TENM4: variants seen among roughly 807,000 people sequenced by gnomAD.
TENM4 encodes teneurin-4.
TENM4 carries 82 observed loss-of-function variants against 243.3 expected under a neutral mutation model. The ratio of observed to expected loss-of-function variants is 0.34; its 90% CI spans 0.28 to 0.40. The LOEUF is 0.40. TENM4 is among the 10% of genes least tolerant of loss of function. The pLI is 1.00. For synonymous variants in TENM4, 1,412 were observed against 1,456.3 expected, an observed-to-expected ratio of 0.97 and a Z score of 0.69; for missense variants, 3,138 against 3,673.3, an observed-to-expected ratio of 0.85 and a Z score of 3.77.
intron 4 of TENM4, among the ~76,000 whole-genome samples, chr11:79,138,570 A>ATACAT (rs1555015653): frequency 1.2e-4 from 3 of 26,078 alleles, no homozygotes; most frequent in African/African-American, 1.8e-4. Context: ...TACATAAAAC[A>ATACAT]TATATTTATA....
intron 12 of TENM4, among the ~76,000 whole-genome samples, chr11:78,830,102 C>T (rs866406643): frequency 3.5e-4 from 53 of 152,354 alleles, no homozygotes; most frequent in Middle Eastern, 3.4e-3. Context: ...TTCCTTTTGG[C>T]TCATACCTCC....
chr11:79,191,695 C>T (rs547597405), intron 3 of TENM4: 21 of 189,610 alleles, frequency 1.1e-4, no homozygotes, highest in Admixed American at 3.0e-4. Flanking sequence ...CGTCTCTGCC[C>T]GGCAGCCCAT....
At chr11:79,085,814 A>G (rs1860798759) in intron 4 of TENM4, among the ~76,000 whole-genome samples, 1 of 152,226 alleles carries the variant, frequency 6.6e-6, no homozygotes, top group African/African-American at 2.4e-5. Flanking sequence ...GCATATACCC[A>G]TAACCCCACA....
chr11:78,926,440 A>C (rs1250844685), intron 6 of TENM4, among the ~76,000 whole-genome samples: 1 of 151,804 alleles, frequency 6.6e-6, no homozygotes, highest in Non-Finnish European at 1.5e-5. Context: ...CGCCTGGCTA[A>C]TTTTTGTATT....
intron 3 of TENM4, among the ~76,000 whole-genome samples, chr11:79,178,428 G>A (rs1248375077): frequency 2.0e-5 from 3 of 151,460 alleles, no homozygotes; most frequent in Non-Finnish European, 4.4e-5. Context: ...GAGCCCTGGG[G>A]CACCCCTGCA....
At chr11:78,753,604 A>G (rs1012038989) in intron 19 of TENM4, among the ~76,000 whole-genome samples, 1 of 152,234 alleles carries the variant, frequency 6.6e-6, no homozygotes, top group Non-Finnish European at 1.5e-5. Context: ...TTACACAGGA[A>G]TCTGTTTGGG....
At chr11:78,790,307 C>T (rs191041273) in intron 15 of TENM4, among the ~76,000 whole-genome samples, 2 of 152,386 alleles carry the variant, frequency 1.3e-5, no homozygotes, top group East Asian at 1.9e-4. Context: ...TTACCACTTA[C>T]TGGCTGGGTA....
chr11:79,049,325 A>C (rs1859739897), intron 6 of TENM4, among the ~76,000 whole-genome samples: 1 of 152,170 alleles, frequency 6.6e-6, no homozygotes, highest in African/African-American at 2.4e-5. Context: ...CATTATCAGC[A>C]CTAGCAGTGC....
rs142218577 is a variant in TENM4, at chr11:78,764,719, G to A, written c.2539+6273C>T. Among the ~76,000 whole-genome samples the A allele has an allele frequency of 2.8e-4, 43 of 152,282 alleles. No homozygotes were observed. The East Asian group carries it at 7.9e-3, about 28-fold the overall frequency. On this transcript the variant is annotated intron_variant, in intron 18 of 33. Transcript: ENST00000278550. ...TATGTGGCTGGCAGGACCTGTGTTA[G>A]GCACTGGATGCTCAGGAATAAAAGA...
rs778307114 is a variant in TENM4, at chr11:78,672,312, G to A, written c.5514C>T (p.Leu1838=). 60 of 1,608,706 alleles carry A rather than the reference G, an allele frequency of 3.7e-5. No individual in the cohort carries two copies. The South Asian group carries it at 6.6e-4, about 18-fold the overall frequency. Residue 1838 remains leucine, a synonymous_variant, in exon 31 of 34, where the codon CTC becomes CTT. Transcript: ENST00000278550. The part of the protein sequence containing the change: ...GRRLRVHNRN[L]LSLDFDRVTR... ...TTACGCGATCAAAGTCCAGAGATAG[G>A]AGATTTCGGTTGTGAACCTGGAGAA... is the stretch of plus-strand genomic sequence containing the variant.
chr11:78,785,198 C>T lies in TENM4; in HGVS notation c.2365+1700G>A, dbSNP rs150795843. ...TTAAAGAAGAGGCCCCCTCAGATGA[C>T]CAGGGCCACTTCTCACTAAGGGGTT... On this transcript the variant is annotated intron_variant, in intron 16 of 33. Coordinates refer to ENST00000278550, the MANE Select transcript of TENM4 (RefSeq NM_001098816.3). Among the ~76,000 whole-genome samples the T allele has an allele frequency of 4.6e-5, 7 of 152,138 alleles. No individual in the cohort carries two copies. The East Asian group carries it at 1.4e-3, about 29-fold the overall frequency.
chr11:78,972,356 G>A (rs764091664), intron 6 of TENM4, among the ~76,000 whole-genome samples: 26 of 152,082 alleles, frequency 1.7e-4, no homozygotes, highest in Non-Finnish European at 4.4e-5. Context: ...CAGGCCATTT[G>A]TCTCTGTGAG....
At chr11:79,437,624 A>C (rs1207945017) in intron 1 of TENM4, among the ~76,000 whole-genome samples, 1 of 151,788 alleles carries the variant, frequency 6.6e-6, no homozygotes, top group African/African-American at 2.4e-5. Context: ...GTCGCGGCCG[A>C]CTCCTGTACC....
intron 2 of TENM4, among the ~76,000 whole-genome samples, chr11:79,258,066 TC>T (rs1226225246): frequency 6.6e-6 from 1 of 152,172 alleles, no homozygotes; most frequent in Admixed American, 6.5e-5. Context: ...CTTGGTGTTA[TC>T]CCCCTTACAT....
At chr11:78,802,006 G>GTT (rs1857290115) in intron 15 of TENM4, among the ~76,000 whole-genome samples, 1 of 152,168 alleles carries the variant, frequency 6.6e-6, no homozygotes, top group African/African-American at 2.4e-5. Flanking sequence ...AGGGTTAGAG[G>GTT]GTTAAGCCAC....
At chr11:78,750,000 C>A (rs1856146362) in intron 19 of TENM4, among the ~76,000 whole-genome samples, 1 of 152,004 alleles carries the variant, frequency 6.6e-6, no homozygotes, top group African/African-American at 2.4e-5. Context: ...AATGTCAGAG[C>A]ACGTCTTCTG....
chr11:79,238,246 G>A (rs2135275509), intron 2 of TENM4, among the ~76,000 whole-genome samples: 1 of 152,282 alleles, frequency 6.6e-6, no homozygotes, highest in East Asian at 1.9e-4. Context: ...GGACCTGTGA[G>A]GGTTAATTTC....
At chr11:78,947,084 T>C (rs1195360931) in intron 6 of TENM4, among the ~76,000 whole-genome samples, 3 of 152,152 alleles carry the variant, frequency 2.0e-5, no homozygotes, top group African/African-American at 7.2e-5. Flanking sequence ...GTGGGTAAAA[T>C]GCTGTCAAAC....
At chr11:78,741,140 G>A (rs1055279729) in intron 19 of TENM4, among the ~76,000 whole-genome samples, 4 of 152,186 alleles carry the variant, frequency 2.6e-5, no homozygotes, top group African/African-American at 7.2e-5. Context: ...CAAAGGAGAT[G>A]GGAAGTCAGC....
Sources: allele counts gnomAD v4.1 joint callset (sites outside exome capture counted in the v4.1 genomes callset), GRCh38; gene constraint gnomAD v4.1.1; transcripts MANE v1.5; gene names NCBI Gene and HGNC (gene_info 2026-07-23, HGNC 2026-07-21).